The following ERC1 variants were observed in gnomAD, a reference collection of about 807,000 sequenced individuals.
The protein encoded by ERC1 is RAB6 interacting protein 2.
In ERC1, 56 loss-of-function variants were observed where a neutral mutation model predicts 132.0. The observed-to-expected ratio is 0.42, with a 90% confidence interval of 0.34 to 0.53. The LOEUF (loss-of-function observed/expected upper bound fraction) is 0.53, where lower values mean the gene tolerates loss of function less well. Ranked by LOEUF, ERC1 falls within the 20% of genes least tolerant of loss-of-function variation. ERC1 has a pLI of 0.03. For synonymous variants in ERC1, 478 were observed against 476.1 expected (o/e 1.00, Z -0.05); for missense variants, 1,202 against 1,349.9 (o/e 0.89, Z 1.72).
chr12:1,485,475 T>A (rs867554794), intron 18 of ERC1, among the ~76,000 whole-genome samples: 3 of 152,196 alleles, frequency 2.0e-5, no homozygotes, highest in Admixed American at 2.0e-4. Context: ...AGTGCTGGGA[T>A]TACAGGCGTG....
At position 1,115,976 on chromosome 12, in the gene ERC1, A is replaced by C; in HGVS notation, c.1512A>C (p.Glu504Asp). ...TCTCAGATAGTAAACAGCACATTGA[A>C]GTGTTGAAGGAGTCCTTGACTGCTA... ...NQFSDSKQHI[E>D]VLKESLTAKE... Residue 504 changes from glutamate (E) to aspartate (D), a missense_variant, in exon 7 of 19, where the codon GAA becomes GAC. Transcript: ENST00000360905. 7 of 1,614,148 alleles carry C rather than the reference A, an allele frequency of 4.3e-6. No homozygotes were observed. Among genetic ancestry groups the C allele is most frequent in the Non-Finnish European group, 5.9e-6 (7 of 1,179,994 alleles).
At chr12:1,198,804 A>G (rs761852000) in intron 12 of ERC1, among the ~76,000 whole-genome samples, 3 of 152,174 alleles carry the variant, frequency 2.0e-5, no homozygotes, top group Non-Finnish European at 2.9e-5. Flanking sequence ...GGGAGGTGCC[A>G]CACACTTTCA....
At position 1,394,282 on chromosome 12, in the gene ERC1, C is replaced by T. The variant is rs542883490; in HGVS notation, c.2926-13867C>T. 5.3e-5 allele frequency among the ~76,000 whole-genome samples: 8 copies of T among 151,586 alleles called. No homozygotes were observed. In the South Asian group the frequency reaches 6.3e-4, roughly 12 times the overall value. Reference sequence around the variant, plus strand: ...AGGCGTGGTGGCGGGCTCCTGTAGTCCCAGCTACTGGGGAGGCTGAGGCAG... The same window carrying T: ...AGGCGTGGTGGCGGGCTCCTGTAGTTCCAGCTACTGGGGAGGCTGAGGCAG... On this transcript the variant is annotated intron_variant, in intron 16 of 18. Coordinates refer to ENST00000360905, the MANE Select transcript of ERC1 (RefSeq NM_178040.4).
At chr12:1,196,836 G>GTCTCTCTGTCTGTC (rs1956297551) in intron 12 of ERC1, among the ~76,000 whole-genome samples, 1 of 49,240 alleles carries the variant, frequency 2.0e-5, no homozygotes, top group African/African-American at 9.4e-5. Context: ...CTCTCTGTCT[G>GTCTCTCTGTCTGTC]TCTCTCTGTC....
chr12:1,272,092 C>T (rs2077897685), intron 14 of ERC1, among the ~76,000 whole-genome samples: 1 of 152,196 alleles, frequency 6.6e-6, no homozygotes, highest in African/African-American at 2.4e-5. Flanking sequence ...ATTAGGCTCC[C>T]ATCACTTAGA....
intron 1 of ERC1, among the ~76,000 whole-genome samples, chr12:995,808 C>T (rs1004694734): frequency 3.3e-5 from 5 of 151,778 alleles, no homozygotes; most frequent in South Asian, 2.1e-4. Context: ...CTTCTAGATA[C>T]GTGAGGGGAA....
chr12:1,441,138 A>G (rs1239099022), intron 17 of ERC1, among the ~76,000 whole-genome samples: 1 of 151,502 alleles, frequency 6.6e-6, no homozygotes, highest in African/African-American at 2.4e-5. Context: ...GGCTCACTGC[A>G]ACCTCCCCTT....
chr12:1,151,868 A>G (rs1424728720), intron 8 of ERC1: 1 of 152,234 alleles, frequency 6.6e-6, no homozygotes, highest in Non-Finnish European at 1.5e-5. Flanking sequence ...TTCATTAGAC[A>G]GAATGTACAT....
chr12:1,042,964 G>A (rs1258152584), intron 2 of ERC1, among the ~76,000 whole-genome samples: 1 of 151,364 alleles, frequency 6.6e-6, no homozygotes, highest in Non-Finnish European at 1.5e-5. Context: ...TTTTAGGAGG[G>A]TCTATTTCTT....
intron 12 of ERC1, among the ~76,000 whole-genome samples, chr12:1,214,671 C>T (rs57520679): frequency 5.7e-5 from 3 of 52,790 alleles, no homozygotes; most frequent in South Asian, 4.9e-4. Context: ...TACATACACA[C>T]ACACACACAC....
At chr12:1,193,497 C>G (rs972854246) in intron 12 of ERC1, among the ~76,000 whole-genome samples, 5 of 151,762 alleles carry the variant, frequency 3.3e-5, no homozygotes, top group African/African-American at 1.2e-4. Flanking sequence ...TATATAAACA[C>G]ACACAAGCAT....
At chr12:1,123,429 A>C (rs7316815) in intron 7 of ERC1, among the ~76,000 whole-genome samples, 91,290 of 151,974 alleles carry the variant, frequency 0.6, 30,225 homozygotes, top group East Asian at 0.87. Context: ...TGAAAATATA[A>C]ATCTCAGTTG....
chr12:1,079,998 A>C (rs1296218899), intron 2 of ERC1, among the ~76,000 whole-genome samples: 1 of 152,262 alleles, frequency 6.6e-6, no homozygotes, highest in Admixed American at 6.5e-5. Context: ...GAGAGTTCCC[A>C]AGAAAAATGT....
chr12:1,292,210 T>G (rs2079503368), intron 15 of ERC1, among the ~76,000 whole-genome samples: 1 of 152,164 alleles, frequency 6.6e-6, no homozygotes, highest in Admixed American at 6.5e-5. Context: ...TAATAAAATT[T>G]TTATTAAGCT....
intron 3 of ERC1, among the ~76,000 whole-genome samples, chr12:1,092,438 A>T (rs1325512569): frequency 6.6e-6 from 1 of 152,226 alleles, no homozygotes; most frequent in Admixed American, 6.5e-5. Flanking sequence ...TGTATTCACA[A>T]ATATAATCAT....
At chr12:1,022,095 C>G (rs1018320715) in intron 1 of ERC1, among the ~76,000 whole-genome samples, 5 of 152,168 alleles carry the variant, frequency 3.3e-5, no homozygotes, top group African/African-American at 1.2e-4. Flanking sequence ...TATCTCTATT[C>G]TCCTATAGAT....
chr12:1,274,941 C>T (rs536354698), intron 14 of ERC1, among the ~76,000 whole-genome samples: 32 of 152,178 alleles, frequency 2.1e-4, no homozygotes, highest in Non-Finnish European at 3.4e-4. Flanking sequence ...TGGCATAGTT[C>T]GGAAATCAAA....
At chr12:1,316,328 C>G (rs1008084830) in intron 15 of ERC1, among the ~76,000 whole-genome samples, 1 of 152,222 alleles carries the variant, frequency 6.6e-6, no homozygotes, top group East Asian at 1.9e-4. Flanking sequence ...TCTCTGTTAA[C>G]CATGCCAATT....
chr12:1,130,417 G>C (rs1948643223), intron 7 of ERC1, among the ~76,000 whole-genome samples: 2 of 151,042 alleles, frequency 1.3e-5, no homozygotes, highest in African/African-American at 4.9e-5. Context: ...TTATGTGTTG[G>C]CTTAAGGGGT....
Sources: allele counts gnomAD v4.1 joint callset (sites outside exome capture counted in the v4.1 genomes callset), GRCh38; gene constraint gnomAD v4.1.1; transcripts MANE v1.5; gene names NCBI Gene and HGNC (gene_info 2026-07-23, HGNC 2026-07-21).